FAAH2: variants seen among roughly 807,000 people sequenced by gnomAD.
FAAH2 encodes fatty-acid amide hydrolase 2.
FAAH2 carries 60 observed loss-of-function variants against 36.9 expected under a neutral mutation model. The observed-to-expected ratio is 1.63, with a 90% confidence interval of 1.32 to 2.02. The LOEUF (loss-of-function observed/expected upper bound fraction) is 2.02. Ranked by LOEUF, FAAH2 falls within the 30% of genes most tolerant of loss-of-function variation. FAAH2 has a pLI of 0.00. For synonymous variants in FAAH2, 214 were observed against 143.8 expected, an observed-to-expected ratio of 1.49 and a Z score of -3.49; for missense variants, 689 against 397.5, an observed-to-expected ratio of 1.73 and a Z score of -6.23.
intron 5 of FAAH2, among the ~76,000 whole-genome samples, chrX:57,350,547 C>G (rs1015234043): frequency 1.8e-5 from 2 of 110,644 alleles, no homozygotes; most frequent in African/African-American, 3.3e-5. Context: ...ATTAAAATCT[C>G]AACTTAAAAA....
At chrX:57,302,208 G>A (rs1602208418) in intron 2 of FAAH2, among the ~76,000 whole-genome samples, 2 of 111,609 alleles carry the variant, frequency 1.8e-5, no homozygotes, top group Non-Finnish European at 3.8e-5. Flanking sequence ...ACAGACCTGG[G>A]ACAAAATTCT....
chrX:57,335,738 C>T (rs889156498), intron 4 of FAAH2, among the ~76,000 whole-genome samples: 26 of 111,815 alleles, frequency 2.3e-4, no homozygotes, highest in Non-Finnish European at 4.7e-4. Flanking sequence ...CAGGTCTTTC[C>T]CTTCCCACGA....
intron 2 of FAAH2, among the ~76,000 whole-genome samples, chrX:57,296,356 C>T (rs183108917): frequency 8.9e-6 from 1 of 111,883 alleles, no homozygotes. Flanking sequence ...TGCAGTGGAC[C>T]TCCAGTAAAC....
rs776996155 is a variant in FAAH2, at chrX:57,378,643, C to T, written c.743-8C>T. ...TTGGGCGGCTAACCTGACTGTCTAT[C>T]CTTTCAGGTGTGGTTCCCAACAAAG... On this transcript the variant is annotated splice_region_variant and splice_polypyrimidine_tract_variant and intron_variant, in intron 5 of 10. Coordinates refer to ENST00000374900, the MANE Select transcript of FAAH2 (RefSeq NM_174912.4). 1.2e-5 allele frequency: 14 copies of T among 1,208,601 alleles called. No individual in the cohort carries two copies. The highest frequency in any genetic ancestry group is 5.3e-5 in the African/African-American group (3 of 57,062).
intron 10 of FAAH2, among the ~76,000 whole-genome samples, chrX:57,457,413 C>T (rs989104066): frequency 9.1e-5 from 10 of 110,407 alleles, no homozygotes; most frequent in African/African-American, 2.3e-4. Context: ...CCACTTTCAC[C>T]ACTCCTATTC....
the FAAH2 span, among the ~76,000 whole-genome samples, chrX:57,249,583 T>C: frequency 8.9e-6 from 1 of 112,078 alleles, no homozygotes; most frequent in Admixed American, 9.5e-5. Context: ...GAAAAAAATC[T>C]TGTAACTTTG....
chrX:57,170,264 G>A, the FAAH2 span, among the ~76,000 whole-genome samples: 1 of 111,678 alleles, frequency 9.0e-6, no homozygotes, highest in East Asian at 2.8e-4. Flanking sequence ...TGCTTGCATA[G>A]CATCCTCAAA....
chrX:57,293,069 G>T (rs2052032492), intron 2 of FAAH2, among the ~76,000 whole-genome samples: 1 of 111,136 alleles, frequency 9.0e-6, no homozygotes, highest in Admixed American at 9.6e-5. Flanking sequence ...CAAAAACTTG[G>T]ATTATTTTCT....
chrX:57,446,932 C>T lies in FAAH2; in HGVS notation c.1121C>T (p.Pro374Leu), dbSNP rs764317291. ...MSAKGHDGKEPVKFVDLLGDH... is the reference protein window; with the variant it reads ...MSAKGHDGKELVKFVDLLGDH... ...ATTTCTTTCCTTCAATCTCAGGAACCTGTGAAATTTGTAGATTTGCTTGGT... is the reference window on the plus strand; with the variant it reads ...ATTTCTTTCCTTCAATCTCAGGAACTTGTGAAATTTGTAGATTTGCTTGGT... The change falls in exon 9 of 11, where the codon CCT becomes CTT. Residue 374 changes from proline (P) to leucine (L), a missense_variant. Physicochemically the swap from Pro to Leu is moderately conservative, Grantham distance 98 (BLOSUM62 -3). Transcript: ENST00000374900. 8.3e-7 allele frequency: 1 copy of T among 1,201,457 alleles called. No homozygotes were observed. Among genetic ancestry groups the T allele is most frequent in the Non-Finnish European group, 1.1e-6 (1 of 889,151 alleles).
chrX:57,151,722 C>T, the FAAH2 span, among the ~76,000 whole-genome samples: 4 of 111,003 alleles, frequency 3.6e-5, no homozygotes, highest in Non-Finnish European at 3.8e-5. Flanking sequence ...TCCTGTAGCT[C>T]GGAGTAGTTT....
At chrX:57,270,710 T>C in the FAAH2 span, among the ~76,000 whole-genome samples, 3 of 111,353 alleles carry the variant, frequency 2.7e-5, no homozygotes, top group Non-Finnish European at 5.7e-5. Flanking sequence ...GGTTGTTGCC[T>C]CACCTGGGAA....
At chrX:57,435,066 A>G (rs943473812) in intron 8 of FAAH2, among the ~76,000 whole-genome samples, 2 of 112,041 alleles carry the variant, frequency 1.8e-5, no homozygotes, top group African/African-American at 3.2e-5. Context: ...TTTCCAGACA[A>G]GCAATTGCTG....
chrX:57,238,699 C>T, the FAAH2 span, among the ~76,000 whole-genome samples: 1 of 111,626 alleles, frequency 9.0e-6, no homozygotes, highest in Non-Finnish European at 1.9e-5. Context: ...AAGTTTGTTA[C>T]CTGGGCAAAT....
Position 57,286,840 on chromosome X carries a change from T to G in FAAH2, c.15T>G (p.Phe5Leu), listed in dbSNP as rs2051818708. The change falls in exon 1 of 11, where the codon TTT (phenylalanine) becomes TTG (leucine). Residue 5 changes from phenylalanine (F) to leucine (L), a missense_variant. By Grantham distance (22) the Phe-to-Leu change is conservative (BLOSUM62 0). Transcript: ENST00000374900. ...TCCAGGCTGCGATGGCACCTTCATT[T>G]ACCGCCCGCATTCAGTTGTTCCTCT... is the stretch of plus-strand genomic sequence containing the variant. MAPSFTARIQLFLLR... is the reference protein window; with the variant it reads MAPSLTARIQLFLLR... 8.5e-7 allele frequency: 1 copy of G among 1,182,896 alleles called. No individual in the cohort carries two copies. The highest frequency in any genetic ancestry group is 1.1e-6 in the Non-Finnish European group (1 of 880,353).
chrX:57,382,498 C>T (rs1022463494), intron 7 of FAAH2, among the ~76,000 whole-genome samples: 1 of 111,644 alleles, frequency 9.0e-6, no homozygotes, highest in Non-Finnish European at 1.9e-5. Flanking sequence ...GGGGATATCA[C>T]CACCAATCCC....
chrX:57,439,941 G>C (rs895277189), intron 8 of FAAH2, among the ~76,000 whole-genome samples: 3 of 111,506 alleles, frequency 2.7e-5, no homozygotes, highest in African/African-American at 9.8e-5. Flanking sequence ...TGAGGGTTCT[G>C]TTCTCTTCCA....
chrX:57,145,363 G>T, the FAAH2 span, among the ~76,000 whole-genome samples: 1 of 110,873 alleles, frequency 9.0e-6, no homozygotes, highest in Non-Finnish European at 1.9e-5. Flanking sequence ...CTTCTTTTGA[G>T]AATTGTGTAT....
At chrX:57,487,298 A>G (rs751685985) in intron 10 of FAAH2, among the ~76,000 whole-genome samples, 144 of 83,014 alleles carry the variant, frequency 1.7e-3, no homozygotes, top group African/African-American at 4.9e-3. Context: ...GCCAAAATTA[A>G]AAAAAAAAAC....
chrX:57,183,238 CA>C, the FAAH2 span, among the ~76,000 whole-genome samples: 1 of 110,863 alleles, frequency 9.0e-6, no homozygotes, highest in East Asian at 2.8e-4. Context: ...TCTTGTATTA[CA>C]AAAAAAGTAG....
Sources: gnomAD v4.1 joint callset for allele counts (sites outside exome capture counted in the v4.1 genomes callset) on GRCh38, gnomAD v4.1.1 for gene constraint, MANE v1.5 for transcripts, NCBI Gene and HGNC (gene_info 2026-07-23, HGNC 2026-07-21) for gene names.